CHRM3: variants seen among roughly 807,000 people sequenced by gnomAD.
CHRM3 encodes the protein cholinergic receptor muscarinic 3.
A neutral mutation model predicts 41.8 loss-of-function variants in CHRM3; 11 were observed. That is an observed-to-expected ratio of 0.26 (90% CI 0.17 to 0.44). The LOEUF is 0.44. Ranked by LOEUF, CHRM3 falls within the 20% of genes least tolerant of loss-of-function variation. The pLI, the probability that CHRM3 is intolerant of heterozygous loss-of-function variation, is 1.00. For missense variants in CHRM3, 571 were observed against 745.4 expected (o/e 0.77, Z 2.72); for synonymous variants, 297 against 301.4 (o/e 0.99, Z 0.15).
At chr1:239,654,519 C>T (rs1395269260) in intron 4 of CHRM3, among the ~76,000 whole-genome samples, 4 of 152,182 alleles carry the variant, frequency 2.6e-5, no homozygotes, top group African/African-American at 9.7e-5. Context: ...CTGCCTCAGC[C>T]TCCCGAGTAG....
At chr1:239,520,256 A>G (rs12041334) in intron 2 of CHRM3, among the ~76,000 whole-genome samples, 42,484 of 152,072 alleles carry the variant, frequency 0.28, 7,409 homozygotes, top group East Asian at 0.49. Flanking sequence ...TCCAGTATTT[A>G]ACAGTGATAT....
At chr1:239,543,378 G>T (rs568338765) in intron 2 of CHRM3, among the ~76,000 whole-genome samples, 1 of 152,142 alleles carries the variant, frequency 6.6e-6, no homozygotes, top group Non-Finnish European at 1.5e-5. Flanking sequence ...TGAGGCTCAT[G>T]ATCTTCTGTA....
chr1:239,603,543 T>C (rs973223290), intron 3 of CHRM3, among the ~76,000 whole-genome samples: 3 of 152,114 alleles, frequency 2.0e-5, no homozygotes, highest in Non-Finnish European at 1.5e-5. Context: ...TAAGTAAGAA[T>C]GTATAGACAA....
At position 239,674,724 on chromosome 1, in the gene CHRM3, A is replaced by G. The variant is rs528853909; in HGVS notation, c.-249-3462A>G. Among the ~76,000 whole-genome samples the G allele has an allele frequency of 1.0e-3, 155 of 151,672 alleles. 1 individual carries two copies. Among genetic ancestry groups the G allele is most frequent in the Middle Eastern group, 3.4e-3 (1 of 294 alleles). ...GACTCCATCTCAAAAAAAAAAAAAA[A>G]AAAGAAAGAAAAATCACTTAAGTAT... is the stretch of plus-strand genomic sequence containing the variant. On this transcript the variant is annotated intron_variant, in intron 4 of 6. Coordinates refer to ENST00000676153, the MANE Select transcript of CHRM3 (RefSeq NM_001375978.1).
intron 6 of CHRM3, among the ~76,000 whole-genome samples, chr1:239,852,420 C>T (rs1674770379): frequency 6.6e-6 from 1 of 152,086 alleles, no homozygotes; most frequent in South Asian, 2.1e-4. Flanking sequence ...CATGCTTGTG[C>T]ATGTGTAATA....
chr1:239,744,129 G>A (rs967209545), intron 5 of CHRM3, among the ~76,000 whole-genome samples: 8 of 151,788 alleles, frequency 5.3e-5, no homozygotes, highest in African/African-American at 9.7e-5. Context: ...CATTTTAATG[G>A]CAAAATTAAT....
chr1:239,801,007 G>T (rs1670170969), intron 5 of CHRM3, among the ~76,000 whole-genome samples: 3 of 152,102 alleles, frequency 2.0e-5, no homozygotes, highest in Non-Finnish European at 4.4e-5. Flanking sequence ...TAGAGGAAAA[G>T]TTTCAAAAGC....
intron 1 of CHRM3, among the ~76,000 whole-genome samples, chr1:239,391,723 T>C (rs1465563703): frequency 6.6e-6 from 1 of 152,194 alleles, no homozygotes; most frequent in Non-Finnish European, 1.5e-5. Context: ...TTCTCACCAA[T>C]TGTGCCAGTT....
intron 4 of CHRM3, among the ~76,000 whole-genome samples, chr1:239,638,644 C>T (rs374193037): frequency 9.9e-5 from 15 of 151,980 alleles, no homozygotes; most frequent in South Asian, 2.1e-4. Context: ...TTTGAGTTCA[C>T]TGTAGATTCT....
At chr1:239,740,710 G>C (rs947895490) in intron 5 of CHRM3, among the ~76,000 whole-genome samples, 1 of 151,828 alleles carries the variant, frequency 6.6e-6, no homozygotes, top group Non-Finnish European at 1.5e-5. Context: ...CAATAAACAT[G>C]AAAAAAGCTC....
intron 3 of CHRM3, among the ~76,000 whole-genome samples, chr1:239,608,277 G>A (rs77044591): frequency 0.092 from 13,962 of 152,180 alleles, 806 homozygotes; most frequent in East Asian, 0.19. Flanking sequence ...GGTAGGTGTA[G>A]GATGCAGCCC....
At chr1:239,772,296 A>G (rs1667747474) in intron 5 of CHRM3, among the ~76,000 whole-genome samples, 1 of 152,038 alleles carries the variant, frequency 6.6e-6, no homozygotes, top group African/African-American at 2.4e-5. Flanking sequence ...GATCACAGGC[A>G]TGCACCGCCA....
intron 5 of CHRM3, among the ~76,000 whole-genome samples, chr1:239,740,532 A>G (rs113308055): frequency 9.9e-5 from 15 of 151,740 alleles, no homozygotes; most frequent in African/African-American, 3.6e-4. Context: ...TACATGTGCC[A>G]TGGTGGTTTG....
chr1:239,549,782 C>T (rs1056575568), intron 3 of CHRM3, among the ~76,000 whole-genome samples: 1 of 151,718 alleles, frequency 6.6e-6, no homozygotes, highest in South Asian at 2.1e-4. Flanking sequence ...TCATTCAGTA[C>T]CACAGGGCCA....
intron 3 of CHRM3, among the ~76,000 whole-genome samples, chr1:239,591,825 A>G (rs1161811541): frequency 6.6e-6 from 1 of 152,204 alleles, no homozygotes; most frequent in Non-Finnish European, 1.5e-5. Flanking sequence ...TATGTCCTGC[A>G]AAGTGATAGC....
intron 1 of CHRM3, among the ~76,000 whole-genome samples, chr1:239,489,271 G>A (rs958468286): frequency 2.6e-5 from 4 of 152,222 alleles, no homozygotes; most frequent in African/African-American, 4.8e-5. Flanking sequence ...AATTAGCCGG[G>A]CGTGGGGACA....
At chr1:239,813,916 C>CAAAAAAAAAAAAAAA (rs67147618) in intron 5 of CHRM3, among the ~76,000 whole-genome samples, 4 of 103,220 alleles carry the variant, frequency 3.9e-5, no homozygotes, top group African/African-American at 2.0e-4. Flanking sequence ...GACTCCGTCT[C>CAAAAAAAAAAAAAAA]AAAAAAAAAA....
At chr1:239,608,156 T>C (rs986415038) in intron 3 of CHRM3, among the ~76,000 whole-genome samples, 3 of 152,224 alleles carry the variant, frequency 2.0e-5, no homozygotes, top group Non-Finnish European at 4.4e-5. Flanking sequence ...ATGTTAAATA[T>C]AATTTTTGTT....
At chr1:239,439,028 G>A (rs556906799) in intron 1 of CHRM3, among the ~76,000 whole-genome samples, 4 of 152,280 alleles carry the variant, frequency 2.6e-5, no homozygotes, top group African/African-American at 9.6e-5. Context: ...GTTGGGCCTA[G>A]CTTCATATCC....
Sources: allele counts gnomAD v4.1 joint callset (sites outside exome capture counted in the v4.1 genomes callset), GRCh38; gene constraint gnomAD v4.1.1; transcripts MANE v1.5; gene names NCBI Gene and HGNC (gene_info 2026-07-23, HGNC 2026-07-21).